The following ZNF804B variants were observed in gnomAD, a reference collection of about 807,000 sequenced individuals.
The protein encoded by ZNF804B is zinc finger protein 804B, also known as zinc finger 804B.
Under a neutral mutation model 101.4 loss-of-function variants are expected in ZNF804B, and 80 were observed. The observed-to-expected ratio is 0.79, with a 90% CI of 0.66 to 0.95. The LOEUF (loss-of-function observed/expected upper bound fraction) is 0.95, where lower values mean the gene tolerates loss of function less well. Ranked by LOEUF, ZNF804B falls within the 40% of genes least tolerant of loss-of-function variation. The pLI is 0.00. For missense variants in ZNF804B, 1,673 were observed against 1,561.9 expected, an observed-to-expected ratio of 1.07 and a Z score of -1.20; for synonymous variants, 622 against 558.8, an observed-to-expected ratio of 1.11 and a Z score of -1.59.
At chr7:89,238,022 G>T (rs1789310873) in intron 2 of ZNF804B, among the ~76,000 whole-genome samples, 1 of 152,094 alleles carries the variant, frequency 6.6e-6, no homozygotes, top group Non-Finnish European at 1.5e-5. Context: ...GTCTGCAGAT[G>T]GGAAGAATCA....
chr7:88,958,360 T>G (rs758226818), intron 1 of ZNF804B, among the ~76,000 whole-genome samples: 2 of 151,504 alleles, frequency 1.3e-5, no homozygotes, highest in Non-Finnish European at 3.0e-5. Flanking sequence ...AATACACAAT[T>G]CAACAATAAT....
At chr7:89,061,392 G>A (rs1789376795) in intron 1 of ZNF804B, among the ~76,000 whole-genome samples, 1 of 150,866 alleles carries the variant, frequency 6.6e-6, no homozygotes, top group South Asian at 2.1e-4. Flanking sequence ...CCATGAAAAT[G>A]TGTGTGTGTG....
At chr7:89,073,844 A>G (rs994332029) in intron 1 of ZNF804B, among the ~76,000 whole-genome samples, 1 of 152,156 alleles carries the variant, frequency 6.6e-6, no homozygotes, top group Non-Finnish European at 1.5e-5. Flanking sequence ...AACTTTGTTA[A>G]TAGGGATTCA....
At chr7:89,126,213 A>G (rs1487123321) in intron 1 of ZNF804B, among the ~76,000 whole-genome samples, 1 of 152,034 alleles carries the variant, frequency 6.6e-6, no homozygotes, top group African/African-American at 2.4e-5. Flanking sequence ...AGTGTACAAT[A>G]TGACAGTTTT....
chr7:88,899,812 A>G (rs1213506416), intron 1 of ZNF804B, among the ~76,000 whole-genome samples: 1 of 152,142 alleles, frequency 6.6e-6, no homozygotes, highest in Non-Finnish European at 1.5e-5. Flanking sequence ...CATTTTCTCC[A>G]AAGTATGTAT....
At chr7:89,178,532 C>T (rs1562906696) in intron 1 of ZNF804B, among the ~76,000 whole-genome samples, 2 of 152,126 alleles carry the variant, frequency 1.3e-5, no homozygotes, top group South Asian at 4.1e-4. Flanking sequence ...ATAAAACATG[C>T]AAAGTGAAAA....
At chr7:89,261,698 T>C (rs1256669940) in intron 2 of ZNF804B, among the ~76,000 whole-genome samples, 1 of 152,216 alleles carries the variant, frequency 6.6e-6, no homozygotes, top group Non-Finnish European at 1.5e-5. Context: ...CTGTACCACA[T>C]GTCATTGCAC....
intron 1 of ZNF804B, among the ~76,000 whole-genome samples, chr7:89,189,693 G>A (rs1216341372): frequency 6.6e-6 from 1 of 152,140 alleles, no homozygotes; most frequent in African/African-American, 2.4e-5. Flanking sequence ...ACAGCAAGCA[G>A]CTTCAAGCGG....
chr7:88,908,787 C>A (rs747564345), intron 1 of ZNF804B, among the ~76,000 whole-genome samples: 3 of 151,716 alleles, frequency 2.0e-5, no homozygotes, highest in Non-Finnish European at 4.4e-5. Context: ...CATGAGAATG[C>A]CAGCTTTGAA....
chr7:89,241,678 A>G (rs1789373606), intron 2 of ZNF804B, among the ~76,000 whole-genome samples: 3 of 152,066 alleles, frequency 2.0e-5, no homozygotes, highest in South Asian at 4.1e-4. Context: ...TACTGCATGG[A>G]CAGAGCCATG....
At chr7:88,828,823 C>G (rs1195518506) in intron 1 of ZNF804B, among the ~76,000 whole-genome samples, 1 of 152,010 alleles carries the variant, frequency 6.6e-6, no homozygotes, top group Non-Finnish European at 1.5e-5. Flanking sequence ...TTTCTTTAGT[C>G]TGTTATTGGT....
At chr7:89,186,422 A>G (rs901538168) in intron 1 of ZNF804B, among the ~76,000 whole-genome samples, 1 of 152,118 alleles carries the variant, frequency 6.6e-6, no homozygotes, top group Non-Finnish European at 1.5e-5. Context: ...TGCTTGTTTG[A>G]TATAGTAAGA....
At chr7:89,238,991 T>C (rs1035420490) in intron 2 of ZNF804B, among the ~76,000 whole-genome samples, 12 of 152,208 alleles carry the variant, frequency 7.9e-5, no homozygotes, top group African/African-American at 2.9e-4. Flanking sequence ...TTAATATCTA[T>C]GATTTTGTCT....
chr7:89,093,279 T>C (rs1789922809), intron 1 of ZNF804B, among the ~76,000 whole-genome samples: 1 of 152,236 alleles, frequency 6.6e-6, no homozygotes. Flanking sequence ...TATAGTGCTG[T>C]GTATACTACC....
intron 1 of ZNF804B, among the ~76,000 whole-genome samples, chr7:88,972,756 A>C (rs936112146): frequency 5.9e-5 from 9 of 151,420 alleles, no homozygotes; most frequent in African/African-American, 2.2e-4. Context: ...ACAAAAAAAA[A>C]ACCAGAACTC....
In ZNF804B at chr7:89,064,426, C is replaced by T. The variant is rs115476565; in HGVS notation, c.109-153729C>T. Among the ~76,000 whole-genome samples the T allele has an allele frequency of 4.8e-3, 726 of 152,134 alleles. 7 individuals are homozygous for T. The highest frequency in any genetic ancestry group is 0.016 in the African/African-American group (669 of 41,532). ...TCGCTTTAGGTTTCAGGAGCAATAA[C>T]CTAAGAACAACTCAAATTGGCTTAT... On this transcript the variant is annotated intron_variant, in intron 1 of 3. Transcript: ENST00000333190.
intron 2 of ZNF804B, among the ~76,000 whole-genome samples, chr7:89,259,857 G>T (rs10266780): frequency 0.29 from 43,360 of 151,980 alleles, 6,409 homozygotes; most frequent in South Asian, 0.34. Flanking sequence ...GCAGATGCCT[G>T]TAATCCCAGC....
At chr7:88,874,408 G>A (rs77978982) in intron 1 of ZNF804B, among the ~76,000 whole-genome samples, 65,613 of 150,320 alleles carry the variant, frequency 0.44, 15,588 homozygotes, top group African/African-American at 0.63. Context: ...CAATCATGTC[G>A]TCTGCAAACA....
chr7:88,852,120 G>A (rs1216384002), intron 1 of ZNF804B, among the ~76,000 whole-genome samples: 1 of 152,058 alleles, frequency 6.6e-6, no homozygotes, highest in Non-Finnish European at 1.5e-5. Flanking sequence ...AAGAGGGAAT[G>A]CAAAAGTTAA....
Sources: allele counts gnomAD v4.1 joint callset (sites outside exome capture counted in the v4.1 genomes callset), GRCh38; gene constraint gnomAD v4.1.1; transcripts MANE v1.5; gene names NCBI Gene and HGNC (gene_info 2026-07-23, HGNC 2026-07-21).